The following C3orf70 variants were observed in gnomAD, a reference collection of about 807,000 sequenced individuals.
C3orf70 encodes the protein chromosome 3 open reading frame 70, also known as UPF0524 protein C3orf70.
C3orf70 carries 15 observed loss-of-function variants against 20.7 expected under a neutral mutation model. The observed-to-expected ratio is 0.72, with a 90% confidence interval of 0.48 to 1.11. C3orf70 has a LOEUF of 1.11. Among genes scored for constraint, C3orf70 ranks in the 50% most tolerant of loss-of-function variants. C3orf70 has a pLI of 0.00. For synonymous variants in C3orf70, 161 were observed against 125.7 expected (o/e 1.28, Z -1.88); for missense variants, 332 against 317.6 (o/e 1.05, Z -0.34).
At chr3:185,092,968 C>A (rs562799672) in intron 1 of C3orf70, among the ~76,000 whole-genome samples, 2 of 141,196 alleles carry the variant, frequency 1.4e-5, no homozygotes, top group African/African-American at 2.7e-5. Context: ...TCTAGCCTGG[C>A]GACAAAGCAA....
chr3:185,150,540 T>TA (rs938894781), intron 1 of C3orf70, among the ~76,000 whole-genome samples: 50 of 151,218 alleles, frequency 3.3e-4, no homozygotes, highest in East Asian at 1.9e-3. Flanking sequence ...TCACATATGT[T>TA]AAAAAAAAAC....
chr3:185,110,685 A>C (rs1716053314), intron 1 of C3orf70, among the ~76,000 whole-genome samples: 1 of 152,232 alleles, frequency 6.6e-6, no homozygotes, highest in South Asian at 2.1e-4. Context: ...GGCAAGGAAC[A>C]CCTGGCCCAC....
chr3:185,098,631 AAAT>A (rs1000218756), intron 1 of C3orf70, among the ~76,000 whole-genome samples: 2 of 151,322 alleles, frequency 1.3e-5, no homozygotes, highest in African/African-American at 4.8e-5. Context: ...ACAGAGAAAA[AAAT>A]GTATTCATAT....
chr3:185,093,671 G>A (rs1273025843), intron 1 of C3orf70, among the ~76,000 whole-genome samples: 1 of 152,076 alleles, frequency 6.6e-6, no homozygotes, highest in Admixed American at 6.5e-5. Flanking sequence ...GTGAGGGCTG[G>A]AAGGGCTAGA....
intron 1 of C3orf70, among the ~76,000 whole-genome samples, chr3:185,125,341 T>A (rs889722810): frequency 6.6e-6 from 1 of 151,756 alleles, no homozygotes. Flanking sequence ...CACCATGCCA[T>A]TGCACTCCAG....
At chr3:185,109,725 T>C (rs1716023666) in intron 1 of C3orf70, among the ~76,000 whole-genome samples, 1 of 152,204 alleles carries the variant, frequency 6.6e-6, no homozygotes, top group Admixed American at 6.5e-5. Flanking sequence ...TGGCTGGCAA[T>C]AATGCCTGGA....
intron 1 of C3orf70, among the ~76,000 whole-genome samples, chr3:185,120,033 A>AAAAAAAAG (rs55921240): frequency 9.9e-6 from 1 of 100,784 alleles, no homozygotes; most frequent in Non-Finnish European, 1.8e-5. Context: ...AAAAAAAAAA[A>AAAAAAAAG]AAAAAGAAAA....
At chr3:185,121,331 C>T (rs1716292904) in intron 1 of C3orf70, among the ~76,000 whole-genome samples, 5 of 150,448 alleles carry the variant, frequency 3.3e-5, no homozygotes, top group Admixed American at 3.3e-4. Flanking sequence ...ACCAAATTAC[C>T]ACCTGTTCCC....
chr3:185,088,670 G>A (rs956437553), intron 1 of C3orf70, among the ~76,000 whole-genome samples: 12 of 152,062 alleles, frequency 7.9e-5, no homozygotes, highest in Non-Finnish European at 1.6e-4. Context: ...ACTTTGTGGT[G>A]CCTGTCTAGG....
At chr3:185,123,907 C>T (rs1314644771) in intron 1 of C3orf70, among the ~76,000 whole-genome samples, 1 of 152,034 alleles carries the variant, frequency 6.6e-6, no homozygotes, top group Non-Finnish European at 1.5e-5. Flanking sequence ...TTCAGAATTT[C>T]AACATTCAGG....
chr3:185,128,526 G>GA (rs779479424), intron 1 of C3orf70, among the ~76,000 whole-genome samples: 13,706 of 123,328 alleles, frequency 0.11, 687 homozygotes, highest in South Asian at 0.21. Context: ...GACTGTTTCG[G>GA]AAAAAAAAAA....
At chr3:185,095,311 G>A in intron 1 of C3orf70, among the ~76,000 whole-genome samples, 1 of 152,170 alleles carries the variant, frequency 6.6e-6, no homozygotes, top group East Asian at 1.9e-4. Context: ...CCCTATCGGG[G>A]GAGGGGCAGC....
At chr3:185,148,594 CCCT>C (rs1375528861) in intron 1 of C3orf70, among the ~76,000 whole-genome samples, 5 of 152,174 alleles carry the variant, frequency 3.3e-5, no homozygotes, top group Non-Finnish European at 5.9e-5. Flanking sequence ...TCTTTCCCAT[CCCT>C]CCTCTCTCGC....
intron 1 of C3orf70, among the ~76,000 whole-genome samples, chr3:185,111,264 T>A (rs1215832096): frequency 1.3e-5 from 2 of 152,096 alleles, no homozygotes; most frequent in African/African-American, 4.8e-5. Flanking sequence ...TAAAAAATCA[T>A]TGTGCTTCAA....
rs1443535026 is a variant in C3orf70 at position 185,082,071 on chromosome 3, A to T, written c.*936T>A. The T allele has an allele frequency of 6.6e-6, 1 of 152,208 alleles. No homozygotes were observed. The highest frequency in any genetic ancestry group is 1.9e-4 in the East Asian group (1 of 5,180). 9.4% of individuals were successfully genotyped at this position (152,208 alleles called of 1,614,324 possible). A position where few individuals can be genotyped will look rare whatever the true frequency, so the allele number is the denominator to read the frequency against. On this transcript the variant is annotated 3_prime_UTR_variant, in exon 2 of 2. Coordinates refer to ENST00000335012, the MANE Select transcript of C3orf70 (RefSeq NM_001025266.3). ...TGTGATACCTATATAACTTCCTAAGAGTTTTTCCCAGACTTGAAGAACAAT... is the reference window on the plus strand; with the variant it reads ...TGTGATACCTATATAACTTCCTAAGTGTTTTTCCCAGACTTGAAGAACAAT...
At chr3:185,143,486 T>TGGGAAGGCATTGTACAGATACAGC (rs1716798193) in intron 1 of C3orf70, among the ~76,000 whole-genome samples, 1 of 152,160 alleles carries the variant, frequency 6.6e-6, no homozygotes, top group African/African-American at 2.4e-5. Flanking sequence ...TTGTCCTACT[T>TGGGAAGGCATTGTACAGATACAGC]GGGAAGGCAT....
chr3:185,108,763 G>A (rs540498864), intron 1 of C3orf70, among the ~76,000 whole-genome samples: 2 of 152,196 alleles, frequency 1.3e-5, no homozygotes, highest in Admixed American at 6.5e-5. Context: ...GTTAATCCTC[G>A]AGGACTGGAA....
At chr3:185,134,116 C>CATATATATATATATATATAT (rs1553921592) in intron 1 of C3orf70, among the ~76,000 whole-genome samples, 4 of 134,664 alleles carry the variant, frequency 3.0e-5, no homozygotes, top group African/African-American at 1.1e-4. Flanking sequence ...AAAAATACAT[C>CATATATATATATATATATAT]ATATATATAT....
At chr3:185,102,043 T>A (rs1342439315) in intron 1 of C3orf70, among the ~76,000 whole-genome samples, 1 of 152,198 alleles carries the variant, frequency 6.6e-6, no homozygotes, top group Non-Finnish European at 1.5e-5. Context: ...TTACCACTCC[T>A]ATTCAACATA....
Sources: gnomAD v4.1 joint callset for allele counts (sites outside exome capture counted in the v4.1 genomes callset) on GRCh38, gnomAD v4.1.1 for gene constraint, MANE v1.5 for transcripts, NCBI Gene and HGNC (gene_info 2026-07-23, HGNC 2026-07-21) for gene names.